The following KAZN variants were observed in gnomAD, a reference collection of about 807,000 sequenced individuals.
KAZN encodes kazrin, periplakin interacting protein, also known as kazrin.
KAZN carries 40 observed loss-of-function variants against 87.4 expected under a neutral mutation model. The observed-to-expected ratio is 0.46, with a 90% confidence interval of 0.36 to 0.60. The LOEUF (loss-of-function observed/expected upper bound fraction) is 0.60, where lower values mean the gene tolerates loss of function less well. Ranked by LOEUF, KAZN falls within the 20% of genes least tolerant of loss-of-function variation. KAZN has a pLI of 0.00. For missense variants in KAZN, 898 were observed against 1,073.9 expected, an observed-to-expected ratio of 0.84 and a Z score of 2.29; for synonymous variants, 466 against 458.3, an observed-to-expected ratio of 1.02 and a Z score of -0.22.
In KAZN at chr1:13,995,772, C is replaced by G. The variant is rs186267545; in HGVS notation, c.91+102016C>G. Among the ~76,000 whole-genome samples the G allele has an allele frequency of 1.1e-4, 16 of 152,306 alleles. No individual in the cohort carries two copies. In the East Asian group the frequency reaches 2.9e-3, roughly 28 times the overall value. On this transcript the variant is annotated intron_variant, in intron 1 of 16. Coordinates refer to the KAZN transcript ENST00000636203. ...AGGTTCTTCAGTTTTGGGACTCAGA[C>G]TGACACTCCTTGCTCCTCAGCCTGC...
chr1:14,188,357 A>G (rs1460533491), intron 2 of KAZN, among the ~76,000 whole-genome samples: 1 of 152,106 alleles, frequency 6.6e-6, no homozygotes, highest in Non-Finnish European at 1.5e-5. Context: ...AGATATATAC[A>G]AATTATTTTT....
intron 1 of KAZN, among the ~76,000 whole-genome samples, chr1:14,954,565 A>G (rs1203656937): frequency 6.6e-6 from 1 of 152,194 alleles, no homozygotes; most frequent in East Asian, 1.9e-4. Context: ...AGCGGTCTGG[A>G]TCTGCACTGT....
chr1:14,798,731 G>A (rs1286971048), intron 1 of KAZN, among the ~76,000 whole-genome samples: 1 of 150,992 alleles, frequency 6.6e-6, no homozygotes, highest in African/African-American at 2.4e-5. Context: ...ACCACGCCCG[G>A]CCCACTTTCT....
chr1:14,251,945 G>A (rs568659021), intron 2 of KAZN, among the ~76,000 whole-genome samples: 6 of 152,076 alleles, frequency 3.9e-5, no homozygotes, highest in South Asian at 4.1e-4. Flanking sequence ...CACTGTGCCC[G>A]ACCCTCCTTG....
chr1:14,643,078 C>T (rs1460095711), intron 1 of KAZN, among the ~76,000 whole-genome samples: 1 of 151,186 alleles, frequency 6.6e-6, no homozygotes, highest in East Asian at 1.9e-4. Flanking sequence ...CAGCTCTGTG[C>T]ATAATAACCC....
At chr1:14,777,457 C>T (rs57289276) in intron 1 of KAZN, among the ~76,000 whole-genome samples, 25,365 of 152,052 alleles carry the variant, frequency 0.17, 2,961 homozygotes, top group African/African-American at 0.33. Flanking sequence ...CTCCGAGGGC[C>T]TCCTCATGCT....
At chr1:14,478,431 G>A (rs1296032080) in intron 2 of KAZN, among the ~76,000 whole-genome samples, 1 of 152,138 alleles carries the variant, frequency 6.6e-6, no homozygotes, top group African/African-American at 2.4e-5. Flanking sequence ...TGGGTGGATG[G>A]CAGTTTTGGA....
chr1:14,030,510 G>A (rs1026483069), intron 1 of KAZN, among the ~76,000 whole-genome samples: 33 of 152,068 alleles, frequency 2.2e-4, no homozygotes, highest in Admixed American at 2.2e-3. Flanking sequence ...CAGCGCACCC[G>A]CATGGCACAT....
intron 2 of KAZN, among the ~76,000 whole-genome samples, chr1:14,970,748 T>G (rs1465155604): frequency 1.3e-5 from 2 of 152,246 alleles, no homozygotes; most frequent in African/African-American, 2.4e-5. Flanking sequence ...GTCTTCCATT[T>G]ATCCTGAGAA....
chr1:15,050,229 C>G (rs1236909479), intron 4 of KAZN, among the ~76,000 whole-genome samples: 1 of 140,928 alleles, frequency 7.1e-6, no homozygotes, highest in African/African-American at 2.6e-5. Flanking sequence ...AGAACCTTCC[C>G]CCTAGAGTGA....
At chr1:14,983,933 A>T (rs34384452) in intron 2 of KAZN, among the ~76,000 whole-genome samples, 8,826 of 151,038 alleles carry the variant, frequency 0.058, 876 homozygotes, top group African/African-American at 0.2. Flanking sequence ...CAAGAACAAA[A>T]CTCTGTCCCA....
At chr1:14,159,221 T>A (rs1219163146) in intron 1 of KAZN, among the ~76,000 whole-genome samples, 1 of 152,204 alleles carries the variant, frequency 6.6e-6, no homozygotes, top group Non-Finnish European at 1.5e-5. Context: ...TCCAGGTATG[T>A]CCAGAAGTGC....
chr1:14,032,979 G>C (rs1038262583), intron 1 of KAZN, among the ~76,000 whole-genome samples: 1 of 152,082 alleles, frequency 6.6e-6, no homozygotes, highest in African/African-American at 2.4e-5. Flanking sequence ...TCTGCACCCT[G>C]GTCTTACTGA....
rs1257781710 is a variant in KAZN at position 15,101,716 on chromosome 1, A to G, written c.1721A>G (p.His574Arg). The change falls in exon 11 of 15, where the codon CAC becomes CGC. Residue 574 changes from histidine to arginine, a missense_variant. Physicochemically the swap from His to Arg is conservative, Grantham distance 29. This residue lies in a region of KAZN where 521 missense variants were observed against 689.4 expected (regional missense o/e 0.76). Coordinates refer to ENST00000376030, the MANE Select transcript of KAZN (RefSeq NM_201628.3). ...CACCTGAACGTGTCCAAGAAGTTCC[A>G]CCAGGTCAGCATCCTGCTGGGGATC... ...EKHLNVSKKF[H>R]QVSILLGIEL... 1 of 1,595,096 alleles carries G rather than the reference A, an allele frequency of 6.3e-7. No homozygotes were observed. The highest frequency in any genetic ancestry group is 1.1e-5 in the South Asian group (1 of 87,404).
intron 1 of KAZN, among the ~76,000 whole-genome samples, chr1:14,846,824 C>T (rs957552272): frequency 2.0e-4 from 31 of 152,144 alleles, no homozygotes; most frequent in African/African-American, 7.5e-4. Context: ...CTATAGTCTT[C>T]TTATATAGGA....
intron 1 of KAZN, among the ~76,000 whole-genome samples, chr1:14,828,265 C>A (rs1042382116): frequency 6.6e-6 from 1 of 152,170 alleles, no homozygotes; most frequent in Non-Finnish European, 1.5e-5. Flanking sequence ...TAAAATATCT[C>A]GGCTAAAACA....
chr1:15,110,021 G>C (rs1225170482), intron 13 of KAZN, among the ~76,000 whole-genome samples: 2 of 142,396 alleles, frequency 1.4e-5, no homozygotes, highest in African/African-American at 5.2e-5. Flanking sequence ...TGTATGTGTA[G>C]ATGGTGTTTG....
chr1:14,577,701 A>G (rs1053496383), intron 2 of KAZN, among the ~76,000 whole-genome samples: 1 of 152,202 alleles, frequency 6.6e-6, no homozygotes, highest in African/African-American at 2.4e-5. Flanking sequence ...CTTAGGCTCC[A>G]TTGATTGACT....
chr1:14,838,792 T>A (rs1002998796), intron 1 of KAZN, among the ~76,000 whole-genome samples: 1 of 152,126 alleles, frequency 6.6e-6, no homozygotes, highest in East Asian at 1.9e-4. Context: ...TGGCTAATTT[T>A]TGTATTTGTA....
Sources: gnomAD v4.1 joint callset for allele counts (sites outside exome capture counted in the v4.1 genomes callset) on GRCh38, gnomAD v4.1.1 for gene constraint, gnomAD v4.1.1 regional missense constraint, MANE v1.5 for transcripts, NCBI Gene and HGNC (gene_info 2026-07-23, HGNC 2026-07-21) for gene names.